Variants in FAM53B observed in about 807,000 individuals in gnomAD.
FAM53B encodes the protein family with sequence similarity 53 member B, also known as protein FAM53B.
Under a neutral mutation model 32.7 loss-of-function variants are expected in FAM53B, and 12 were observed. The observed-to-expected ratio is 0.37, with a 90% CI of 0.24 to 0.59. FAM53B has a LOEUF of 0.59. FAM53B is among the 20% of genes least tolerant of loss of function. The pLI is 0.72. For synonymous variants in FAM53B, 234 were observed against 228.7 expected (o/e 1.02, Z -0.21); for missense variants, 477 against 577.7 (o/e 0.83, Z 1.79).
intron 1 of FAM53B, among the ~76,000 whole-genome samples, chr10:124,724,030 G>A (rs1564888577): frequency 6.6e-6 from 1 of 152,176 alleles, no homozygotes; most frequent in African/African-American, 2.4e-5. Context: ...AAGAAGGCAG[G>A]TGATACATAA....
At chr10:124,684,903 T>C (rs942940003) in intron 3 of FAM53B, among the ~76,000 whole-genome samples, 1 of 152,174 alleles carries the variant, frequency 6.6e-6, no homozygotes, top group African/African-American at 2.4e-5. Flanking sequence ...AAACAGAAAG[T>C]TATCCTAAGA....
At chr10:124,679,040 C>T (rs930008165) in intron 4 of FAM53B, among the ~76,000 whole-genome samples, 3 of 152,196 alleles carry the variant, frequency 2.0e-5, no homozygotes, top group African/African-American at 4.8e-5. Flanking sequence ...AACCCACACA[C>T]GAAGGGCGCC....
intron 4 of FAM53B, 43 bp from the exon 5 acceptor site, chr10:124,623,647 T>C: frequency 3.2e-6 from 5 of 1,568,944 alleles, no homozygotes; most frequent in Non-Finnish European, 4.3e-6. Flanking sequence ...GTTACTCCCC[T>C]CCCGCAGCCC....
intron 4 of FAM53B, among the ~76,000 whole-genome samples, chr10:124,668,531 CAA>C (rs1332048362): frequency 1.3e-5 from 2 of 152,282 alleles, no homozygotes; most frequent in Non-Finnish European, 2.9e-5. Flanking sequence ...GCCTGGCAGA[CAA>C]GAGCACAGCA....
chr10:124,735,227 G>A (rs1353711008), intron 1 of FAM53B, among the ~76,000 whole-genome samples: 7 of 152,178 alleles, frequency 4.6e-5, no homozygotes, highest in African/African-American at 1.7e-4. Flanking sequence ...AGGTAGGTAT[G>A]CAGCCATTAA....
intron 4 of FAM53B, among the ~76,000 whole-genome samples, chr10:124,645,060 C>T (rs932227733): frequency 4.6e-5 from 7 of 152,310 alleles, no homozygotes; most frequent in African/African-American, 1.4e-4. Context: ...CCTTGGGGAC[C>T]GCAGCAAAGT....
At chr10:124,674,747 TGTG>T (rs564475699) in intron 4 of FAM53B, among the ~76,000 whole-genome samples, 84 of 152,354 alleles carry the variant, frequency 5.5e-4, no homozygotes, top group Non-Finnish European at 9.8e-4. Flanking sequence ...TGTCCTCAGA[TGTG>T]GTGAGGCCTC....
chr10:124,629,478 AG>A (rs1294400905), intron 4 of FAM53B, among the ~76,000 whole-genome samples: 4 of 152,126 alleles, frequency 2.6e-5, no homozygotes, highest in African/African-American at 9.7e-5. Context: ...CCTCTGAGAA[AG>A]GGCCATCAAC....
At chr10:124,660,344 G>T (rs1285006879) in intron 4 of FAM53B, among the ~76,000 whole-genome samples, 1 of 152,174 alleles carries the variant, frequency 6.6e-6, no homozygotes, top group Admixed American at 6.5e-5. Flanking sequence ...CATCTCACTG[G>T]GACCAGACAA....
At chr10:124,645,416 G>A (rs1949506208) in intron 4 of FAM53B, among the ~76,000 whole-genome samples, 1 of 152,208 alleles carries the variant, frequency 6.6e-6, no homozygotes, top group Non-Finnish European at 1.5e-5. Context: ...CCCTGAGACA[G>A]GCTCTAGGGG....
chr10:124,657,072 GTATATATA>G (rs60087095), intron 4 of FAM53B, among the ~76,000 whole-genome samples: 2 of 139,264 alleles, frequency 1.4e-5, no homozygotes, highest in African/African-American at 2.6e-5. Context: ...ATATATATAT[GTATATATA>G]TGTGTGTGTA....
chr10:124,657,088 G>GTA (rs1175346975), intron 4 of FAM53B, among the ~76,000 whole-genome samples: 91 of 89,964 alleles, frequency 1.0e-3, no homozygotes, highest in Non-Finnish European at 2.2e-3. Flanking sequence ...ATATGTGTGT[G>GTA]TATATATATG....
At chr10:124,692,140 G>A (rs1589752365) in intron 3 of FAM53B, among the ~76,000 whole-genome samples, 1 of 152,212 alleles carries the variant, frequency 6.6e-6, no homozygotes, top group Admixed American at 6.5e-5. Context: ...AACAGCCTCC[G>A]CTGGCAGGAG....
At chr10:124,649,716 G>A (rs1243053202) in intron 4 of FAM53B, among the ~76,000 whole-genome samples, 3 of 152,210 alleles carry the variant, frequency 2.0e-5, no homozygotes, top group African/African-American at 7.2e-5. Flanking sequence ...ACTCAGGCTG[G>A]CGGTGTCCCT....
intron 4 of FAM53B, among the ~76,000 whole-genome samples, chr10:124,626,013 T>C (rs1949346432): frequency 6.6e-6 from 1 of 152,220 alleles, no homozygotes; most frequent in South Asian, 2.1e-4. Context: ...CCGGATGACA[T>C]GCTGTGAACA....
intron 1 of FAM53B, among the ~76,000 whole-genome samples, chr10:124,724,735 C>A (rs1040570356): frequency 6.6e-6 from 1 of 152,214 alleles, no homozygotes; most frequent in Non-Finnish European, 1.5e-5. Flanking sequence ...CCAAGCAGCT[C>A]GCCCAGAATG....
intron 1 of FAM53B, among the ~76,000 whole-genome samples, chr10:124,716,074 G>A (rs1950037019): frequency 6.6e-6 from 1 of 152,242 alleles, no homozygotes; most frequent in African/African-American, 2.4e-5. Context: ...GAGAGTGGCT[G>A]GCTGTACGCA....
At chr10:124,697,069 C>G (rs1400098812) in intron 2 of FAM53B, among the ~76,000 whole-genome samples, 1 of 152,088 alleles carries the variant, frequency 6.6e-6, no homozygotes, top group South Asian at 2.1e-4. Context: ...ATACCCAGGT[C>G]AAGAGGCTCG....
intron 2 of FAM53B, among the ~76,000 whole-genome samples, chr10:124,704,964 T>C (rs1224186862): frequency 6.6e-6 from 1 of 151,658 alleles, no homozygotes; most frequent in Non-Finnish European, 1.5e-5. Flanking sequence ...AAGGATGGGG[T>C]GGTAGCAGAA....
Sources: gnomAD v4.1 joint callset for allele counts (sites outside exome capture counted in the v4.1 genomes callset) on GRCh38, gnomAD v4.1.1 for gene constraint, MANE v1.5 for transcripts, NCBI Gene and HGNC (gene_info 2026-07-23, HGNC 2026-07-21) for gene names.